Variants in PZP observed in about 807,000 individuals in gnomAD.
PZP encodes the protein pregnancy zone protein.
A neutral mutation model predicts 179.8 loss-of-function variants in PZP; 150 were observed. The ratio of observed to expected loss-of-function variants is 0.83; its 90% CI spans 0.73 to 0.96. PZP has a LOEUF of 0.96. Among genes scored for constraint, PZP ranks in the 40% least tolerant of loss-of-function variants. PZP has a pLI of 0.00. For missense variants in PZP, 1,689 were observed against 1,764.0 expected, an observed-to-expected ratio of 0.96 and a Z score of 0.76; for synonymous variants, 624 against 652.3, an observed-to-expected ratio of 0.96 and a Z score of 0.66.
Position 9,166,102 on chromosome 12 carries a change from C to T in PZP, c.2208G>A (p.Thr736=), listed in dbSNP as rs763852511. The T allele has an allele frequency of 1.8e-5, 29 of 1,612,350 alleles. No homozygotes were observed. Among genetic ancestry groups the T allele is most frequent in the East Asian group, 6.7e-5 (3 of 44,808 alleles). Residue 736 remains threonine, a synonymous_variant, in exon 18 of 36, where the codon ACG becomes ACA. Transcript: ENST00000261336. ...NEQSSGPVPE[T]VRSYFPETWI... is the part of the protein sequence containing the mutation. Reference sequence around the variant, plus strand: ...AAGTCTCAGGAAAATAGCTTCGCACCGTTTCAGGGACTGGCCCTGAACTTT... The same window carrying T: ...AAGTCTCAGGAAAATAGCTTCGCACTGTTTCAGGGACTGGCCCTGAACTTT...
rs1943520775 is a variant in PZP at position 9,192,545 on chromosome 12, C to T, written c.1449G>A (p.Met483Ile). ...TAHYTLNRQA[M>I]GELSELSFHY... ...GGAAACTGAGCTCCGATAACTCTCC[C>T]ATGGCCTGTCTATTCAGTGTATAGT... The change falls in exon 12 of 36, where the codon ATG becomes ATA. Residue 483 changes from methionine (M) to isoleucine (I), a missense_variant. Physicochemically the swap from Met to Ile is conservative, Grantham distance 10 (BLOSUM62 1). Coordinates refer to ENST00000261336, the MANE Select transcript of PZP (RefSeq NM_002864.3). 6.2e-7 allele frequency: 1 copy of T among 1,614,040 alleles called. No individual in the cohort carries two copies. Among genetic ancestry groups the T allele is most frequent in the African/African-American group, 1.3e-5 (1 of 74,922 alleles).
At chr12:9,204,072 T>C (rs1459872564) in intron 1 of PZP, 121 bp from the exon 2 acceptor site, 2 of 1,019,846 alleles carry the variant, frequency 2.0e-6, no homozygotes, top group African/African-American at 1.6e-5. Flanking sequence ...TAAAAGTCAA[T>C]GGACTAAGTC....
At chr12:9,201,443 A>G in intron 4 of PZP, 96 bp from the exon 5 acceptor site, 1 of 917,166 alleles carries the variant, frequency 1.1e-6, no homozygotes, top group Non-Finnish European at 1.7e-6. Flanking sequence ...GAAGAATATT[A>G]TCTGTAGCTA....
At chr12:9,201,821 T>C (rs1268981094) in intron 4 of PZP, among the ~76,000 whole-genome samples, 1 of 152,114 alleles carries the variant, frequency 6.6e-6, no homozygotes, top group East Asian at 1.9e-4. Flanking sequence ...TAAAAGCAGC[T>C]TTGTTCCTTT....
Position 9,166,121 on chromosome 12 carries a change from G to A in PZP, c.2189C>T (p.Ser730Leu), listed in dbSNP as rs2120753324. 1 of 1,613,926 alleles carries A rather than the reference G, an allele frequency of 6.2e-7. No individual in the cohort carries two copies. The highest frequency in any genetic ancestry group is 1.6e-4 in the Middle Eastern group (1 of 6,062). ...NVIPLNNEQS[S>L]GPVPETVRSY... ...TCGCACCGTTTCAGGGACTGGCCCT[G>A]AACTTTGTTCATTATTTAAGGGTAT... The change falls in exon 18 of 36, where the codon TCA becomes TTA. Residue 730 changes from serine (S) to leucine (L), a missense_variant. Coordinates refer to ENST00000261336, the MANE Select transcript of PZP (RefSeq NM_002864.3).
At chr12:9,168,623 C>T (rs1262803844) in intron 17 of PZP, 4 of 382,216 alleles carry the variant, frequency 1.0e-5, no homozygotes, top group Non-Finnish European at 1.9e-5. Flanking sequence ...CCCTCTCTTA[C>T]AGTACATCAG....
At chr12:9,174,062 G>A (rs920811975) in intron 15 of PZP, among the ~76,000 whole-genome samples, 1 of 152,082 alleles carries the variant, frequency 6.6e-6, no homozygotes, top group Non-Finnish European at 1.5e-5. Context: ...GATGAACATC[G>A]ATGCAAAAAT....
intron 23 of PZP, 152 bp from the exon 24 acceptor site, chr12:9,160,642 T>G: frequency 1.3e-6 from 1 of 762,890 alleles, no homozygotes; most frequent in Non-Finnish European, 2.1e-6. Context: ...CTAATAAGAA[T>G]AGCAGCTATC....
At chr12:9,175,517 G>A (rs892965858) in intron 15 of PZP, among the ~76,000 whole-genome samples, 1 of 152,066 alleles carries the variant, frequency 6.6e-6, no homozygotes, top group African/African-American at 2.4e-5. Flanking sequence ...TCATTAGAGT[G>A]AACAGACAAC....
Position 9,165,166 on chromosome 12 carries a change from G to C in PZP, c.2460C>G (p.Val820=). 6.2e-7 allele frequency: 1 copy of C among 1,613,994 alleles called. No homozygotes were observed. The highest frequency in any genetic ancestry group is 8.5e-7 in the Non-Finnish European group (1 of 1,179,930). The change falls in exon 19 of 36, where the codon GTC becomes GTG. Residue 820 remains valine, a synonymous_variant. Coordinates refer to ENST00000261336, the MANE Select transcript of PZP (RefSeq NM_002864.3). ...RGEVFTLKAT[V]LNYLPKCIRV... is the part of the protein sequence containing the mutation. Reference sequence around the variant, plus strand: ...GGATGCATTTGGGAAGGTAGTTTAGGACCGTGGCCTTGAGTGTGAAGACCT... The same window carrying C: ...GGATGCATTTGGGAAGGTAGTTTAGCACCGTGGCCTTGAGTGTGAAGACCT...
intron 15 of PZP, among the ~76,000 whole-genome samples, chr12:9,178,428 C>G (rs1479611892): frequency 2.6e-5 from 4 of 152,056 alleles, no homozygotes; most frequent in Non-Finnish European, 4.4e-5. Context: ...CATCATGGCC[C>G]CAATGCACCA....
intron 19 of PZP, 108 bp downstream of exon 19, chr12:9,165,031 A>G: frequency 7.4e-7 from 1 of 1,355,246 alleles, no homozygotes; most frequent in Non-Finnish European, 1.0e-6. Context: ...CAGTGCTAAC[A>G]CACAATCCCT....
chr12:9,186,589 A>T (rs1376140910), intron 13 of PZP, among the ~76,000 whole-genome samples: 1 of 152,192 alleles, frequency 6.6e-6, no homozygotes, highest in African/African-American at 2.4e-5. Context: ...AATAGAAAAA[A>T]GCAGGGGTTG....
intron 15 of PZP, among the ~76,000 whole-genome samples, chr12:9,171,793 G>C (rs1276052032): frequency 1.3e-5 from 2 of 152,084 alleles, no homozygotes; most frequent in Non-Finnish European, 2.9e-5. Flanking sequence ...GAATAGAGAA[G>C]AAAGAATGAA....
intron 23 of PZP, among the ~76,000 whole-genome samples, chr12:9,160,795 G>A (rs1941138716): frequency 6.6e-6 from 1 of 151,916 alleles, no homozygotes; most frequent in East Asian, 1.9e-4. Flanking sequence ...GGCGCCTGTA[G>A]TCCCAGCTAC....
chr12:9,176,827 T>TG (rs1193314940), intron 15 of PZP, among the ~76,000 whole-genome samples: 1 of 152,190 alleles, frequency 6.6e-6, no homozygotes, highest in Admixed American at 6.5e-5. Context: ...GTTAAGTGTG[T>TG]GGGGCCAAAT....
At chr12:9,162,083 C>T (rs1421684916) in intron 22 of PZP, among the ~76,000 whole-genome samples, 2 of 152,136 alleles carry the variant, frequency 1.3e-5, no homozygotes, top group Non-Finnish European at 2.9e-5. Flanking sequence ...TGCCCCAGCC[C>T]CCCATGTAGC....
the PZP span, among the ~76,000 whole-genome samples, chr12:9,137,307 C>G: frequency 6.6e-6 from 1 of 152,076 alleles, no homozygotes; most frequent in Non-Finnish European, 1.5e-5. Flanking sequence ...CTAGTGTATT[C>G]TTGGTACCCT....
intron 15 of PZP, among the ~76,000 whole-genome samples, chr12:9,173,511 T>A (rs1592495345): frequency 6.6e-6 from 1 of 151,760 alleles, no homozygotes; most frequent in South Asian, 2.1e-4. Context: ...TGAAAAACCC[T>A]CTTAAAAAAA....
Sources: gnomAD v4.1 joint callset for allele counts (sites outside exome capture counted in the v4.1 genomes callset) on GRCh38, gnomAD v4.1.1 for gene constraint, MANE v1.5 for transcripts, NCBI Gene and HGNC (gene_info 2026-07-23, HGNC 2026-07-21) for gene names.